PPFIA1: variants seen among roughly 807,000 people sequenced by gnomAD.
The protein encoded by PPFIA1 is PPFI scaffold protein A1, also known as liprin-alpha-1.
PPFIA1 carries 25 observed loss-of-function variants against 149.9 expected under a neutral mutation model. That is an observed-to-expected ratio of 0.17 (90% confidence interval 0.12 to 0.23). PPFIA1 has a LOEUF of 0.23. Among genes scored for constraint, PPFIA1 ranks in the 10% least tolerant of loss-of-function variants. The pLI, the probability that PPFIA1 is intolerant of heterozygous loss-of-function variation, is 1.00. For missense variants in PPFIA1, 1,362 were observed against 1,506.5 expected, an observed-to-expected ratio of 0.90 and a Z score of 1.59; for synonymous variants, 549 against 552.8, an observed-to-expected ratio of 0.99 and a Z score of 0.10.
chr11:70,359,446 C>T (rs1463113111), intron 19 of PPFIA1, among the ~76,000 whole-genome samples: 4 of 152,186 alleles, frequency 2.6e-5, no homozygotes, highest in Non-Finnish European at 4.4e-5. Context: ...GCCTGGGTCA[C>T]AGAACTGTAC....
intron 2 of PPFIA1, among the ~76,000 whole-genome samples, chr11:70,313,357 C>A (rs1015473729): frequency 2.0e-5 from 3 of 152,122 alleles, no homozygotes; most frequent in Non-Finnish European, 4.4e-5. Context: ...TTGGGCTTGA[C>A]CTTAAGGGCA....
chr11:70,382,522 A>G (rs886192958), intron 27 of PPFIA1, among the ~76,000 whole-genome samples: 1 of 152,124 alleles, frequency 6.6e-6, no homozygotes, highest in East Asian at 1.9e-4. Context: ...CGTTATGCAC[A>G]TTGCTGTGAT....
At chr11:70,279,722 GGT>G (rs71046599) in intron 2 of PPFIA1, among the ~76,000 whole-genome samples, 13,494 of 134,986 alleles carry the variant, frequency 0.1, 1,205 homozygotes, top group African/African-American at 0.26. Flanking sequence ...TATGTGTCTA[GGT>G]GTGTGTGTGT....
chr11:70,375,180 T>TAA, intron 24 of PPFIA1, 87 bp downstream of exon 24: 6 of 270,496 alleles, frequency 2.2e-5, no homozygotes, highest in Admixed American at 8.2e-5. Context: ...GAAAGAAACT[T>TAA]TAAAAAAAAA....
At chr11:70,298,818 G>A (rs923330618) in intron 2 of PPFIA1, among the ~76,000 whole-genome samples, 1 of 152,218 alleles carries the variant, frequency 6.6e-6, no homozygotes, top group African/African-American at 2.4e-5. Context: ...ACTGCATAAA[G>A]AGATACGGAC....
intron 8 of PPFIA1, among the ~76,000 whole-genome samples, chr11:70,331,356 ACT>A (rs2054646298): frequency 2.0e-5 from 3 of 152,140 alleles, no homozygotes; most frequent in South Asian, 2.1e-4. Flanking sequence ...ACAGAGCAAG[ACT>A]CTGTCTTTAA....
At chr11:70,323,133 G>T (rs932306707) in intron 2 of PPFIA1, among the ~76,000 whole-genome samples, 1 of 152,194 alleles carries the variant, frequency 6.6e-6, no homozygotes, top group Non-Finnish European at 1.5e-5. Flanking sequence ...TCCAGGCTGT[G>T]CCTCCATTAA....
At chr11:70,357,900 A>G (rs1339302372) in intron 19 of PPFIA1, among the ~76,000 whole-genome samples, 4 of 152,022 alleles carry the variant, frequency 2.6e-5, no homozygotes, top group Non-Finnish European at 5.9e-5. Flanking sequence ...AATGTTTTCA[A>G]ATAACTTGGG....
At chr11:70,359,317 G>A (rs530399016) in intron 19 of PPFIA1, among the ~76,000 whole-genome samples, 4 of 152,248 alleles carry the variant, frequency 2.6e-5, no homozygotes, top group African/African-American at 7.2e-5. Context: ...CCTGGCCCAA[G>A]GATCTTTTTA....
intron 15 of PPFIA1, among the ~76,000 whole-genome samples, chr11:70,344,478 A>G (rs2055557078): frequency 6.6e-6 from 1 of 152,122 alleles, no homozygotes; most frequent in African/African-American, 2.4e-5. Flanking sequence ...TTGCTTATCA[A>G]CCCTCTTCTG....
At position 70,348,330 on chromosome 11, in the gene PPFIA1, C is replaced by T; in HGVS notation, c.2073C>T (p.Ser691=). The change falls in exon 16 of 28, where the codon AGC becomes AGT. Residue 691 remains serine (S), a synonymous_variant. Coordinates refer to ENST00000253925, the MANE Select transcript of PPFIA1 (RefSeq NM_003626.5). ...CCTACCCTGCTTCCTCGCTTGCTAG[C>T]TCCTCCCCTCCGGGCAGTGGGCGCT... ...IPPYPASSLA[S]SSPPGSGRST... 1 of 1,614,170 alleles carries T rather than the reference C, an allele frequency of 6.2e-7. No individual in the cohort carries two copies. The highest frequency in any genetic ancestry group is 1.7e-5 in the Admixed American group (1 of 60,030).
intron 2 of PPFIA1, among the ~76,000 whole-genome samples, chr11:70,311,416 G>A (rs1051679946): frequency 1.3e-5 from 2 of 152,058 alleles, no homozygotes; most frequent in Non-Finnish European, 1.5e-5. Flanking sequence ...CACTTCATGC[G>A]TCGGAATGCA....
intron 19 of PPFIA1, among the ~76,000 whole-genome samples, chr11:70,357,978 G>A (rs1353198425): frequency 2.0e-5 from 3 of 152,108 alleles, no homozygotes; most frequent in Non-Finnish European, 4.4e-5. Flanking sequence ...AAACATGCTA[G>A]GAAAATTTCA....
chr11:70,352,438 G>T (rs1165985615), intron 16 of PPFIA1, among the ~76,000 whole-genome samples: 3 of 152,130 alleles, frequency 2.0e-5, no homozygotes, highest in Non-Finnish European at 4.4e-5. Flanking sequence ...CTCAGTGAAG[G>T]AAGTAGCATG....
At chr11:70,371,441 C>CTG (rs2057248084) in intron 21 of PPFIA1, 1 of 7,550 alleles carries the variant, frequency 1.3e-4, no homozygotes. Context: ...TCTATGTTCT[C>CTG]TTGTTGGGTG....
At chr11:70,290,929 A>T (rs1231739541) in intron 2 of PPFIA1, among the ~76,000 whole-genome samples, 1 of 152,212 alleles carries the variant, frequency 6.6e-6, no homozygotes, top group Non-Finnish European at 1.5e-5. Context: ...CTTGTTGCCC[A>T]GGCTGGAATG....
intron 1 of PPFIA1, chr11:70,271,131 C>T (rs2050049801): frequency 1.3e-5 from 2 of 152,014 alleles, no homozygotes; most frequent in Admixed American, 1.3e-4. Flanking sequence ...GCTGCCCCTC[C>T]CCGAGCCCCG....
chr11:70,376,189 A>T (rs1378416042), intron 24 of PPFIA1, among the ~76,000 whole-genome samples: 1 of 152,212 alleles, frequency 6.6e-6, no homozygotes, highest in Non-Finnish European at 1.5e-5. Context: ...GGATTTCACC[A>T]TGTTGGCCAA....
intron 2 of PPFIA1, 46 bp downstream of exon 2, chr11:70,272,482 TG>T (rs773730334): frequency 2.0e-6 from 3 of 1,525,938 alleles, no homozygotes; most frequent in East Asian, 2.3e-5. Flanking sequence ...CTCCACTAAA[TG>T]TTTTTTTATT....
Sources: gnomAD v4.1 joint callset for allele counts (sites outside exome capture counted in the v4.1 genomes callset) on GRCh38, gnomAD v4.1.1 for gene constraint, MANE v1.5 for transcripts, NCBI Gene and HGNC (gene_info 2026-07-23, HGNC 2026-07-21) for gene names.